MYO3B: variants seen among roughly 807,000 people sequenced by gnomAD.
MYO3B encodes the protein myosin-IIIb.
In MYO3B, 156 loss-of-function variants were observed where a neutral mutation model predicts 174.6. That is an observed-to-expected ratio of 0.89 (90% CI 0.78 to 1.02). MYO3B has a LOEUF of 1.02. Ranked by LOEUF, MYO3B falls within the 50% of genes least tolerant of loss-of-function variation. MYO3B has a pLI of 0.00. For missense variants in MYO3B, 1,632 were observed against 1,639.4 expected (o/e 1.00, Z 0.08); for synonymous variants, 563 against 569.1 (o/e 0.99, Z 0.15).
intron 14 of MYO3B, among the ~76,000 whole-genome samples, chr2:170,390,108 A>G (rs1163928073): frequency 6.6e-6 from 1 of 152,196 alleles, no homozygotes; most frequent in Non-Finnish European, 1.5e-5. Flanking sequence ...AACATGTTGT[A>G]TATCTTAAAT....
intron 7 of MYO3B, among the ~76,000 whole-genome samples, chr2:170,272,639 A>C (rs568520082): frequency 1.3e-5 from 2 of 152,276 alleles, no homozygotes; most frequent in East Asian, 3.9e-4. Context: ...ATGTGTTGAG[A>C]ACTTAATCCC....
chr2:170,485,487 A>G (rs1488391190), intron 25 of MYO3B, among the ~76,000 whole-genome samples: 1 of 151,362 alleles, frequency 6.6e-6, no homozygotes, highest in Non-Finnish European at 1.5e-5. Context: ...TAGCTTGTGA[A>G]CCACACTTTT....
At chr2:170,609,841 T>G (rs1469232560) in intron 32 of MYO3B, among the ~76,000 whole-genome samples, 1 of 152,208 alleles carries the variant, frequency 6.6e-6, no homozygotes, top group Non-Finnish European at 1.5e-5. Flanking sequence ...CTGGGTCCTG[T>G]GCCCACTCTT....
chr2:170,600,136 T>G (rs1240099892), intron 32 of MYO3B, among the ~76,000 whole-genome samples: 1 of 151,966 alleles, frequency 6.6e-6, no homozygotes, highest in Admixed American at 6.6e-5. Flanking sequence ...TGTTGTTGTT[T>G]TTTTTTAACT....
intron 10 of MYO3B, chr2:170,382,362 C>A (rs2094342297): frequency 3.1e-6 from 1 of 320,318 alleles, no homozygotes; most frequent in Non-Finnish European, 5.8e-6. Context: ...TATATTGTAG[C>A]CTTAATGATG....
At chr2:170,244,020 G>A (rs1057046169) in intron 7 of MYO3B, among the ~76,000 whole-genome samples, 1 of 152,166 alleles carries the variant, frequency 6.6e-6, no homozygotes, top group Non-Finnish European at 1.5e-5. Context: ...AAGCAGGGCT[G>A]GCCTTAGTCT....
At chr2:170,467,782 C>T (rs1249104216) in intron 25 of MYO3B, among the ~76,000 whole-genome samples, 1 of 133,886 alleles carries the variant, frequency 7.5e-6, no homozygotes, top group Non-Finnish European at 1.6e-5. Context: ...TCACGTCTCC[C>T]AAACTCTGCT....
In MYO3B at chr2:170,649,122, A is replaced by T. The variant is rs188613959; in HGVS notation, c.3734-2506A>T. Among the ~76,000 whole-genome samples the T allele has an allele frequency of 3.0e-3, 176 of 57,966 alleles. 15 individuals are homozygous for T. The highest frequency in any genetic ancestry group is 0.017 in the African/African-American group (169 of 9,716). 38.0% of individuals were successfully genotyped at this position (57,966 alleles called of 152,430 possible). On this transcript the variant is annotated intron_variant, in intron 32 of 34. Coordinates refer to ENST00000408978, the MANE Select transcript of MYO3B (RefSeq NM_138995.5). ...TATATTATATATAAAATAATATATA[A>T]TGTATATAAAATAATATATAATATA...
intron 23 of MYO3B, among the ~76,000 whole-genome samples, chr2:170,447,930 A>G (rs1291366596): frequency 2.0e-5 from 3 of 152,150 alleles, no homozygotes; most frequent in Admixed American, 2.0e-4. Flanking sequence ...ATAAGACCAG[A>G]TGAGTCAGTT....
chr2:170,206,209 C>T lies in MYO3B; in HGVS notation c.321+5925C>T, dbSNP rs2092712294. Reference sequence around the variant, plus strand: ...TTCCTTTTCACAGAATCTTCTTTCCCTTCATGTCCACCTGCCCCAAACCCA... The same window carrying T: ...TTCCTTTTCACAGAATCTTCTTTCCTTTCATGTCCACCTGCCCCAAACCCA... On this transcript the variant is annotated intron_variant, in intron 3 of 34. Coordinates refer to ENST00000408978, the MANE Select transcript of MYO3B (RefSeq NM_138995.5). This position sits in a 1 kb window ranked among gnomAD's most constrained non-coding sequence, Gnocchi z 4.3. Among the ~76,000 whole-genome samples, 1 of 152,110 alleles carries T rather than the reference C, an allele frequency of 6.6e-6. No homozygotes were observed. Among genetic ancestry groups the T allele is most frequent in the Non-Finnish European group, 1.5e-5 (1 of 68,030 alleles).
Position 170,502,349 on chromosome 2 carries a change from T to C in MYO3B, c.3370+484T>C, listed in dbSNP as rs150511799. Among the ~76,000 whole-genome samples the C allele has an allele frequency of 1.5e-3, 226 of 152,320 alleles. 2 individuals are homozygous for C. The highest frequency in any genetic ancestry group is 2.2e-4 in the Non-Finnish European group (15 of 68,024). On this transcript the variant is annotated intron_variant, in intron 28 of 34. Transcript: ENST00000408978. ...TTCCCATTTTGGAATTCTCTAATTA[T>C]ATGCAAGACCTGTTTCTTAGCATCA...
chr2:170,506,895 A>G (rs1687651380), intron 28 of MYO3B, among the ~76,000 whole-genome samples: 1 of 152,238 alleles, frequency 6.6e-6, no homozygotes, highest in East Asian at 1.9e-4. Context: ...TTTTGAACAA[A>G]CAGAAGGAAA....
At chr2:170,560,415 G>A (rs1419247602) in intron 32 of MYO3B, among the ~76,000 whole-genome samples, 1 of 152,182 alleles carries the variant, frequency 6.6e-6, no homozygotes, top group African/African-American at 2.4e-5. Context: ...GGTCTGTTTG[G>A]CTGCTTAGCA....
At chr2:170,371,715 A>C (rs1432442321) in intron 9 of MYO3B, among the ~76,000 whole-genome samples, 1 of 149,738 alleles carries the variant, frequency 6.7e-6, no homozygotes, top group Non-Finnish European at 1.5e-5. Flanking sequence ...AGAAAAATTG[A>C]GGTGAGTATA....
At chr2:170,571,929 G>A (rs1692462173) in intron 32 of MYO3B, among the ~76,000 whole-genome samples, 1 of 152,174 alleles carries the variant, frequency 6.6e-6, no homozygotes, top group African/African-American at 2.4e-5. Flanking sequence ...TGATGCTAGA[G>A]AAATAAGCCT....
chr2:170,410,299 C>T (rs1006155847), intron 22 of MYO3B, among the ~76,000 whole-genome samples: 1 of 152,186 alleles, frequency 6.6e-6, no homozygotes, highest in Non-Finnish European at 1.5e-5. Context: ...GGCGCGGTGG[C>T]TCACGCCTGT....
intron 30 of MYO3B, among the ~76,000 whole-genome samples, chr2:170,540,591 T>C (rs1690024406): frequency 6.6e-6 from 1 of 152,032 alleles, no homozygotes; most frequent in Non-Finnish European, 1.5e-5. Flanking sequence ...TTATTGTGCT[T>C]TTTCTTATTT....
intron 7 of MYO3B, among the ~76,000 whole-genome samples, chr2:170,272,082 C>CT (rs202163461): frequency 0.057 from 8,334 of 147,106 alleles, 282 homozygotes; most frequent in Middle Eastern, 0.13. Flanking sequence ...AGAAGGGAAA[C>CT]TTTTTTTTTT....
intron 32 of MYO3B, among the ~76,000 whole-genome samples, chr2:170,557,367 C>G (rs1691401109): frequency 6.6e-6 from 1 of 151,962 alleles, no homozygotes; most frequent in Non-Finnish European, 1.5e-5. Context: ...TCTCCATCTC[C>G]TGACCTCGTG....
Sources: gnomAD v4.1 joint callset for allele counts (sites outside exome capture counted in the v4.1 genomes callset) on GRCh38, gnomAD v4.1.1 for gene constraint, Gnocchi (gnomAD v3.1) non-coding constraint, MANE v1.5 for transcripts, NCBI Gene and HGNC (gene_info 2026-07-23, HGNC 2026-07-21) for gene names.